DGKG: variants seen among roughly 807,000 people sequenced by gnomAD.
The protein encoded by DGKG is diacylglycerol kinase gamma.
Under a neutral mutation model 105.3 loss-of-function variants are expected in DGKG, and 78 were observed. The observed-to-expected ratio is 0.74, with a 90% CI of 0.62 to 0.89. The LOEUF (loss-of-function observed/expected upper bound fraction) is 0.89. Among genes scored for constraint, DGKG ranks in the 40% least tolerant of loss-of-function variants. The pLI is 0.00. For synonymous variants in DGKG, 346 were observed against 367.1 expected, an observed-to-expected ratio of 0.94 and a Z score of 0.66; for missense variants, 958 against 1,020.1, an observed-to-expected ratio of 0.94 and a Z score of 0.83.
At chr3:186,247,905 G>A (rs572169139) in intron 19 of DGKG, among the ~76,000 whole-genome samples, 48 of 152,202 alleles carry the variant, frequency 3.2e-4, no homozygotes, top group African/African-American at 1.1e-3. Flanking sequence ...TGAGAGTGAT[G>A]GAGAATCTGT....
chr3:186,156,667 T>C (rs1716050263), intron 24 of DGKG, among the ~76,000 whole-genome samples: 1 of 152,080 alleles, frequency 6.6e-6, no homozygotes. Context: ...AAATCCTTTT[T>C]TTTTTTCTTT....
chr3:186,237,419 C>T (rs1002970094), intron 20 of DGKG, among the ~76,000 whole-genome samples: 14 of 152,066 alleles, frequency 9.2e-5, no homozygotes, highest in South Asian at 2.1e-4. Context: ...TTGCTGTGGA[C>T]GTGGAAACAG....
intron 22 of DGKG, among the ~76,000 whole-genome samples, chr3:186,178,330 C>T (rs1222703198): frequency 6.6e-6 from 1 of 152,114 alleles, no homozygotes; most frequent in Non-Finnish European, 1.5e-5. Flanking sequence ...TGGGATGGAG[C>T]TTAGGTGGTG....
At chr3:186,316,111 G>A (rs1376731536) in intron 2 of DGKG, among the ~76,000 whole-genome samples, 2 of 152,230 alleles carry the variant, frequency 1.3e-5, no homozygotes, top group Non-Finnish European at 2.9e-5. Flanking sequence ...GAGCCATGAC[G>A]GATGGTCTAA....
intron 12 of DGKG, 120 bp downstream of exon 12, chr3:186,268,681 T>C: frequency 1.4e-6 from 1 of 694,200 alleles, no homozygotes; most frequent in Non-Finnish European, 2.5e-6. Context: ...TGTGGGGTCC[T>C]CCTAGCCTCG....
chr3:186,268,720 C>A lies in DGKG; in HGVS notation c.1116+81G>T, dbSNP rs552811457. ...CCCTGGCTTTGCTCATGCCCTCTGG[C>A]CGGATATTCACTGCTCCTGGGCTGC... On this transcript the variant is annotated intron_variant, in intron 12 of 24. Coordinates refer to ENST00000265022, the MANE Select transcript of DGKG (RefSeq NM_001346.3). 3.4e-4 allele frequency: 349 copies of A among 1,014,472 alleles called. 5 individuals carry two copies. The African/African-American group carries it at 4.8e-3, about 14-fold the overall frequency. 62.8% of individuals were successfully genotyped at this position (1,014,472 alleles called of 1,614,324 possible).
intron 20 of DGKG, among the ~76,000 whole-genome samples, chr3:186,218,255 A>G (rs530046378): frequency 6.9e-4 from 105 of 152,232 alleles, no homozygotes; most frequent in Middle Eastern, 6.8e-3. Context: ...CTGTAATCCC[A>G]GCACTTTGGG....
At chr3:186,252,666 T>C (rs1057081435) in intron 18 of DGKG, among the ~76,000 whole-genome samples, 1 of 152,188 alleles carries the variant, frequency 6.6e-6, no homozygotes, top group African/African-American at 2.4e-5. Context: ...AGCATTTTGG[T>C]CCTCAGTTTT....
intron 5 of DGKG, among the ~76,000 whole-genome samples, chr3:186,293,326 A>AT (rs549325161): frequency 1.1e-4 from 17 of 152,072 alleles, no homozygotes; most frequent in African/African-American, 3.9e-4. Flanking sequence ...TTGTTTCTTT[A>AT]TTTTTTTGTG....
At chr3:186,189,424 A>G (rs1717799618) in intron 21 of DGKG, among the ~76,000 whole-genome samples, 1 of 152,216 alleles carries the variant, frequency 6.6e-6, no homozygotes, top group South Asian at 2.1e-4. Context: ...GATAGTAGGT[A>G]GTTTATTTCA....
intron 22 of DGKG, among the ~76,000 whole-genome samples, chr3:186,174,060 T>C (rs1030593675): frequency 2.6e-5 from 4 of 152,230 alleles, no homozygotes; most frequent in South Asian, 4.1e-4. Flanking sequence ...CTGTGACAGG[T>C]TGTGAAACAG....
intron 3 of DGKG, among the ~76,000 whole-genome samples, chr3:186,306,496 G>A (rs530129393): frequency 6.6e-6 from 1 of 152,148 alleles, no homozygotes; most frequent in Non-Finnish European, 1.5e-5. Context: ...TGCACACGTG[G>A]GGGAGTTGGA....
At chr3:186,294,536 CAAAAAA>C (rs10574886) in intron 5 of DGKG, among the ~76,000 whole-genome samples, 9 of 106,868 alleles carry the variant, frequency 8.4e-5, no homozygotes, top group Admixed American at 1.1e-4. Flanking sequence ...AACTCTGTCT[CAAAAAA>C]AAAAAAAAAA....
intron 2 of DGKG, among the ~76,000 whole-genome samples, chr3:186,310,163 A>G (rs147861831): frequency 0.011 from 1,619 of 147,578 alleles, 28 homozygotes; most frequent in African/African-American, 0.038. Context: ...GCTACTTGGG[A>G]GGCTGAGGCA....
intron 24 of DGKG, chr3:186,160,073 G>T: frequency 4.2e-6 from 2 of 480,752 alleles, no homozygotes; most frequent in Non-Finnish European, 5.4e-6. Flanking sequence ...CTGTCAGTCT[G>T]TGGTATTCTA....
At chr3:186,213,845 A>G (rs1165771044) in intron 20 of DGKG, among the ~76,000 whole-genome samples, 8 of 152,232 alleles carry the variant, frequency 5.3e-5, no homozygotes, top group African/African-American at 1.9e-4. Context: ...GGACAGAACC[A>G]GTTAAACCTG....
In DGKG at chr3:186,252,068, C is replaced by T. The variant is rs114444061; in HGVS notation, c.1601-149G>A. 1,401 of 662,342 alleles carry T rather than the reference C, an allele frequency of 2.1e-3. 17 individuals are homozygous for T. The African/African-American group carries it at 0.022, about 10-fold the overall frequency. 41.0% of individuals were successfully genotyped at this position (662,342 alleles called of 1,614,324 possible). ...GTGGGCTAGAGACACTTACGTTCCCCGAGCCACAGAGAAGGGCAGGATAAC... is the reference window on the plus strand; with the variant it reads ...GTGGGCTAGAGACACTTACGTTCCCTGAGCCACAGAGAAGGGCAGGATAAC... On this transcript the variant is annotated intron_variant, in intron 18 of 24. Coordinates refer to ENST00000265022, the MANE Select transcript of DGKG (RefSeq NM_001346.3).
chr3:186,169,533 C>G (rs1322785007), intron 22 of DGKG, among the ~76,000 whole-genome samples: 1 of 152,208 alleles, frequency 6.6e-6, no homozygotes, highest in Admixed American at 6.5e-5. Context: ...TGGCAAGGGG[C>G]TGCCTCTGCA....
At chr3:186,192,987 G>A (rs1394870571) in intron 21 of DGKG, among the ~76,000 whole-genome samples, 2 of 152,324 alleles carry the variant, frequency 1.3e-5, no homozygotes, top group East Asian at 3.9e-4. Context: ...AGCCAGCTAA[G>A]TGTGTTTGCT....
Sources: allele counts gnomAD v4.1 joint callset (sites outside exome capture counted in the v4.1 genomes callset), GRCh38; gene constraint gnomAD v4.1.1; transcripts MANE v1.5; gene names NCBI Gene and HGNC (gene_info 2026-07-23, HGNC 2026-07-21).